PTK2B: variants seen among roughly 807,000 people sequenced by gnomAD.
The protein encoded by PTK2B is protein tyrosine kinase 2 beta, also known as protein-tyrosine kinase 2-beta.
PTK2B carries 71 observed loss-of-function variants against 142.9 expected under a neutral mutation model. That is an observed-to-expected ratio of 0.50 (90% CI 0.41 to 0.61). PTK2B has a LOEUF of 0.61. Ranked by LOEUF, PTK2B falls within the 20% of genes least tolerant of loss-of-function variation. PTK2B has a pLI of 0.00. For synonymous variants in PTK2B, 519 were observed against 503.4 expected, an observed-to-expected ratio of 1.03 and a Z score of -0.42; for missense variants, 1,105 against 1,320.4, an observed-to-expected ratio of 0.84 and a Z score of 2.53.
intron 30 of PTK2B, 128 bp from the exon 31 acceptor site, chr8:27,458,166 G>A (rs1812266656): frequency 3.3e-6 from 3 of 901,262 alleles, no homozygotes; most frequent in Non-Finnish European, 5.1e-6. Flanking sequence ...CCTCTCCTAG[G>A]TCTGATTTGC....
chr8:27,319,376 C>A (rs902488761), intron 3 of PTK2B, among the ~76,000 whole-genome samples: 3 of 149,722 alleles, frequency 2.0e-5, no homozygotes, highest in Admixed American at 6.7e-5. Flanking sequence ...GGCATGGTGG[C>A]TCATGCCTGT....
intron 1 of PTK2B, among the ~76,000 whole-genome samples, chr8:27,375,818 C>A (rs897103535): frequency 1.3e-5 from 2 of 152,194 alleles, no homozygotes; most frequent in East Asian, 1.9e-4. Context: ...GCCTGTACGA[C>A]CTGTTTGTTC....
At chr8:27,383,280 T>C (rs946899649) in intron 1 of PTK2B, among the ~76,000 whole-genome samples, 20 of 152,270 alleles carry the variant, frequency 1.3e-4, no homozygotes, top group Admixed American at 2.6e-4. Context: ...GGAGTCTTGT[T>C]CTGTCACCCA....
chr8:27,324,969 T>C (rs1803327281), upstream of PTK2B, among the ~76,000 whole-genome samples: 1 of 152,230 alleles, frequency 6.6e-6, no homozygotes, highest in South Asian at 2.1e-4. Context: ...ACTATTCTTG[T>C]GCTGTCCTCA....
chr8:27,414,769 TTTACTTCTTTGCTCACTCCCCCCTTTGG>T (rs1262908240), intron 2 of PTK2B, among the ~76,000 whole-genome samples: 3 of 152,096 alleles, frequency 2.0e-5, no homozygotes, highest in African/African-American at 4.8e-5. Flanking sequence ...CCTCAATACA[TTTACTTCTTTGCTCACTCCCCCCTTTGG>T]TTACTTCTTT....
intron 14 of PTK2B, 144 bp from the exon 15 acceptor site, chr8:27,436,107 C>A: frequency 1.2e-6 from 1 of 801,886 alleles, no homozygotes; most frequent in East Asian, 2.5e-5. Flanking sequence ...ATTCTAGACC[C>A]CCATTTCCCC....
At chr8:27,408,248 T>C (rs1462110208) in intron 2 of PTK2B, among the ~76,000 whole-genome samples, 4 of 152,202 alleles carry the variant, frequency 2.6e-5, no homozygotes, top group Non-Finnish European at 5.9e-5. Context: ...AAGTATTCCA[T>C]GTAAAAACAG....
At position 27,422,444 on chromosome 8, in the gene PTK2B, C is replaced by T; in HGVS notation, c.551+61C>T. 2.1e-6 allele frequency: 3 copies of T among 1,401,726 alleles called. No homozygotes were observed. The South Asian group carries it at 4.2e-5, about 20-fold the overall frequency. 86.8% of individuals were successfully genotyped at this position (1,401,726 alleles called of 1,614,324 possible). ...GTGCTGAGCTCTGGGCAGGCCCGACCTTTCCCCATGTCCAAGATGGGAAGC... is the reference window on the plus strand; with the variant it reads ...GTGCTGAGCTCTGGGCAGGCCCGACTTTTCCCCATGTCCAAGATGGGAAGC... On this transcript the variant is annotated intron_variant, in intron 5 of 30. Transcript: ENST00000346049.
intron 1 of PTK2B, among the ~76,000 whole-genome samples, chr8:27,354,329 G>A (rs975094082): frequency 1.3e-5 from 2 of 152,096 alleles, no homozygotes; most frequent in African/African-American, 4.8e-5. Context: ...CTTGATTAAT[G>A]TGCCCCATCC....
intron 24 of PTK2B, among the ~76,000 whole-genome samples, chr8:27,449,016 T>C (rs1326993193): frequency 6.6e-6 from 1 of 152,252 alleles, no homozygotes; most frequent in Non-Finnish European, 1.5e-5. Flanking sequence ...TCTGGCAGCA[T>C]TTTTGTTACA....
At chr8:27,443,441 C>G (rs1045563184) in intron 22 of PTK2B, among the ~76,000 whole-genome samples, 1 of 152,198 alleles carries the variant, frequency 6.6e-6, no homozygotes, top group Non-Finnish European at 1.5e-5. Flanking sequence ...AACAAAAGAC[C>G]ACAGACCAAG....
In PTK2B at chr8:27,339,489, T is replaced by C. The variant is rs559587798; in HGVS notation, c.-38+13808T>C. The stretch of plus-strand genomic sequence containing the variant: ...AGAAAATGTGTCAGCTGGCAAATGG[T>C]ACTCTGGAGTTTGGGGTAAGAGAGA... On this transcript the variant is annotated intron_variant, in intron 1 of 30. Coordinates refer to ENST00000346049, the MANE Select transcript of PTK2B (RefSeq NM_173176.3). 8.5e-5 allele frequency among the ~76,000 whole-genome samples: 13 copies of C among 152,262 alleles called. No homozygotes were observed. In the South Asian group the frequency reaches 1.2e-3, roughly 15 times the overall value.
At chr8:27,321,409 G>A (rs1803214232), upstream of PTK2B, among the ~76,000 whole-genome samples, 1 of 152,168 alleles carries the variant, frequency 6.6e-6, no homozygotes, top group South Asian at 2.1e-4. Context: ...ATGCAGTTCA[G>A]GCTATGGTAA....
At chr8:27,372,167 T>G (rs1270007057) in intron 1 of PTK2B, among the ~76,000 whole-genome samples, 1 of 152,242 alleles carries the variant, frequency 6.6e-6, no homozygotes, top group Non-Finnish European at 1.5e-5. Context: ...GGAGTTTCAT[T>G]TGATAAAATC....
At chr8:27,347,340 A>T (rs4629818) in intron 1 of PTK2B, among the ~76,000 whole-genome samples, 6 of 151,956 alleles carry the variant, frequency 3.9e-5, no homozygotes, top group Admixed American at 3.3e-4. Flanking sequence ...AGATCCACCC[A>T]CCTCGGCCTC....
At chr8:27,440,722 GACTCT>G (rs1462689849) in intron 21 of PTK2B, among the ~76,000 whole-genome samples, 3 of 152,242 alleles carry the variant, frequency 2.0e-5, no homozygotes, top group African/African-American at 4.8e-5. Flanking sequence ...GCCTGAGCCA[GACTCT>G]CATCGAAGTG....
intron 1 of PTK2B, among the ~76,000 whole-genome samples, 190 bp downstream of exon 1, chr8:27,325,871 G>A (rs1398485106): frequency 6.6e-6 from 1 of 152,222 alleles, no homozygotes; most frequent in Non-Finnish European, 1.5e-5. Context: ...CCAGCCTTCC[G>A]CGGGGAAGAG....
intron 22 of PTK2B, among the ~76,000 whole-genome samples, chr8:27,443,281 A>C (rs1049381665): frequency 6.6e-6 from 1 of 152,240 alleles, no homozygotes; most frequent in Non-Finnish European, 1.5e-5. Context: ...CCCTGAGGAC[A>C]CATGGGTGGG....
chr8:27,395,587 CTG>C (rs756496343), intron 1 of PTK2B, among the ~76,000 whole-genome samples: 10 of 152,212 alleles, frequency 6.6e-5, no homozygotes, highest in Non-Finnish European at 1.5e-4. Flanking sequence ...CTCTGCACCT[CTG>C]TGCCTGAGGA....
Sources: allele counts gnomAD v4.1 joint callset (sites outside exome capture counted in the v4.1 genomes callset), GRCh38; gene constraint gnomAD v4.1.1; transcripts MANE v1.5; gene names NCBI Gene and HGNC (gene_info 2026-07-23, HGNC 2026-07-21).